Variants in TNRC6B observed in about 807,000 individuals in gnomAD.
TNRC6B encodes the protein trinucleotide repeat containing adaptor 6B.
TNRC6B carries 52 observed loss-of-function variants against 203.6 expected under a neutral mutation model. The ratio of observed to expected loss-of-function variants is 0.26; its 90% CI spans 0.20 to 0.32. The LOEUF is 0.32. TNRC6B is among the 10% of genes least tolerant of loss of function. TNRC6B has a pLI of 1.00. For missense variants in TNRC6B, 1,923 were observed against 2,286.2 expected, an observed-to-expected ratio of 0.84 and a Z score of 3.24; for synonymous variants, 838 against 845.7, an observed-to-expected ratio of 0.99 and a Z score of 0.16.
intron 1 of TNRC6B, among the ~76,000 whole-genome samples, chr22:40,061,889 C>T (rs758540623): frequency 4.9e-4 from 75 of 152,002 alleles, no homozygotes; most frequent in Non-Finnish European, 1.0e-3. Context: ...GCCTAGCCAA[C>T]ATGGTGAAAC....
chr22:40,284,469 C>T (rs902917219), intron 11 of TNRC6B, among the ~76,000 whole-genome samples: 3 of 152,102 alleles, frequency 2.0e-5, no homozygotes, highest in Non-Finnish European at 4.4e-5. Context: ...TCAGTATAAG[C>T]AGTGATGCAG....
chr22:40,124,321 C>CTTT (rs545893898), intron 2 of TNRC6B, among the ~76,000 whole-genome samples: 33 of 134,026 alleles, frequency 2.5e-4, no homozygotes, highest in African/African-American at 7.8e-4. Flanking sequence ...ATCTTTTTAC[C>CTTT]TTTTTTTTTT....
chr22:40,114,709 C>T (rs2068371550), intron 1 of TNRC6B, among the ~76,000 whole-genome samples: 1 of 152,118 alleles, frequency 6.6e-6, no homozygotes, highest in African/African-American at 2.4e-5. Flanking sequence ...CATTCCCACC[C>T]CTTCTATGAA....
At chr22:40,278,542 G>A (rs1395925123) in intron 9 of TNRC6B, among the ~76,000 whole-genome samples, 1 of 142,428 alleles carries the variant, frequency 7.0e-6, no homozygotes, top group African/African-American at 2.6e-5. Flanking sequence ...TGGCAACATA[G>A]CGAGACTCAG....
At chr22:40,281,087 G>T in intron 10 of TNRC6B, 32 bp from the exon 11 acceptor site, 1 of 1,515,938 alleles carries the variant, frequency 6.6e-7, no homozygotes. Context: ...ACCAACACTC[G>T]TTGTGATTGG....
intron 1 of TNRC6B, among the ~76,000 whole-genome samples, chr22:40,077,036 A>C (rs1418431181): frequency 6.6e-6 from 1 of 151,598 alleles, no homozygotes; most frequent in Non-Finnish European, 1.5e-5. Flanking sequence ...AAAAAAGAAA[A>C]AAGAAAAGGA....
chr22:40,308,616 G>C lies in TNRC6B; in HGVS notation c.4225G>C (p.Val1409Leu), dbSNP rs760630476. ...WTSMMEGLPS[V>L]ATQEANMHKN... ...CTCCATGATGGAGGGGCTGCCCTCT[G>C]TAGCCACACAGGAAGCCAATATGCA... is the stretch of plus-strand genomic sequence containing the variant. Residue 1409 changes from valine to leucine, a missense_variant, in exon 16 of 23, where the codon GTA (valine) becomes CTA (leucine). Val to Leu is a conservative substitution (Grantham distance 32). Coordinates refer to ENST00000454349, the MANE Select transcript of TNRC6B (RefSeq NM_001162501.2). 1.2e-6 allele frequency: 2 copies of C among 1,613,794 alleles called. No homozygotes were observed. The highest frequency in any genetic ancestry group is 1.7e-6 in the Non-Finnish European group (2 of 1,179,860).
At chr22:40,264,039 C>T (rs1490686267) in intron 4 of TNRC6B, among the ~76,000 whole-genome samples, 2 of 152,212 alleles carry the variant, frequency 1.3e-5, no homozygotes, top group Admixed American at 6.5e-5. Flanking sequence ...TGAAATGACA[C>T]TTGAATTGGG....
intron 2 of TNRC6B, among the ~76,000 whole-genome samples, chr22:40,124,693 A>T (rs2068472901): frequency 6.6e-6 from 1 of 152,050 alleles, no homozygotes; most frequent in East Asian, 1.9e-4. Context: ...CCTGTATTAT[A>T]ATGGAGATTT....
At chr22:40,149,727 T>G (rs954772658) in intron 3 of TNRC6B, among the ~76,000 whole-genome samples, 1 of 150,888 alleles carries the variant, frequency 6.6e-6, no homozygotes, top group Non-Finnish European at 1.5e-5. Flanking sequence ...ATGATGAAAC[T>G]TTTAGGGTGG....
chr22:40,176,579 G>A (rs1402685249), upstream of TNRC6B, among the ~76,000 whole-genome samples: 2 of 152,110 alleles, frequency 1.3e-5, no homozygotes, highest in African/African-American at 4.8e-5. Flanking sequence ...CAGCCCTTCT[G>A]AATAGGGTCC....
intron 1 of TNRC6B, among the ~76,000 whole-genome samples, chr22:40,200,275 A>ATTAT (rs1375838143): frequency 2.7e-5 from 2 of 73,246 alleles, no homozygotes; most frequent in Non-Finnish European, 2.6e-5. Flanking sequence ...AAAAAGTAAT[A>ATTAT]TTCTTTTTTT....
chr22:40,162,039 T>G (rs2068875516), intron 4 of TNRC6B, among the ~76,000 whole-genome samples: 1 of 152,202 alleles, frequency 6.6e-6, no homozygotes, highest in South Asian at 2.1e-4. Flanking sequence ...TTATTTATAT[T>G]TGTGATGGTC....
At chr22:40,228,608 C>T (rs1392405527) in intron 1 of TNRC6B, among the ~76,000 whole-genome samples, 1 of 150,516 alleles carries the variant, frequency 6.6e-6, no homozygotes, top group African/African-American at 2.4e-5. Flanking sequence ...CAACCTCCGC[C>T]TCCCAGGTTC....
At chr22:40,215,448 G>A (rs181548361) in intron 1 of TNRC6B, among the ~76,000 whole-genome samples, 13 of 152,312 alleles carry the variant, frequency 8.5e-5, no homozygotes, top group South Asian at 2.1e-4. Context: ...CTGCATGGCC[G>A]GAGAAGGAAG....
intron 4 of TNRC6B, among the ~76,000 whole-genome samples, chr22:40,167,911 G>T (rs1343785270): frequency 6.6e-6 from 1 of 151,926 alleles, no homozygotes; most frequent in Non-Finnish European, 1.5e-5. Flanking sequence ...GGATAATTGG[G>T]CACTTTGTTA....
In TNRC6B at chr22:40,324,280, GTTTA is replaced by G. The variant is rs780174750; in HGVS notation, c.*1043_*1046del. On this transcript the variant is annotated 3_prime_UTR_variant, in exon 23 of 23. Transcript: ENST00000454349. Reference sequence around the variant, plus strand: ...GAGGTACCTCTTGGAGCAACGGTGTGTTTATTTCTGTTTTTTTTTTTTTTTAAGT... The same window carrying G: ...GAGGTACCTCTTGGAGCAACGGTGTGTTTCTGTTTTTTTTTTTTTTTAAGT... 76 of 150,046 alleles carry G rather than the reference GTTTA, an allele frequency of 5.1e-4. No individual in the cohort carries two copies. The highest frequency in any genetic ancestry group is 6.8e-4 in the Non-Finnish European group (46 of 67,570). 9.3% of individuals were successfully genotyped at this position (150,046 alleles called of 1,614,324 possible). A position where few individuals can be genotyped will look rare whatever the true frequency, so the allele number is the denominator to read the frequency against.
rs2071171584 is a variant in TNRC6B at position 40,311,008 on chromosome 22, A to T, written c.4435+15A>T. ...TTGGCCTCCAGGTATTGTCTAGGAA[A>T]TGCTTTTCCCAGGATAGCATTTGTT... is the stretch of plus-strand genomic sequence containing the variant. On this transcript the variant is annotated intron_variant, in intron 17 of 22. Coordinates refer to ENST00000454349, the MANE Select transcript of TNRC6B (RefSeq NM_001162501.2). 2 of 1,598,420 alleles carry T rather than the reference A, an allele frequency of 1.3e-6. No homozygotes were observed. The highest frequency in any genetic ancestry group is 2.7e-5 in the African/African-American group (2 of 74,716).
rs145356604 is a variant in TNRC6B at position 40,095,084 on chromosome 22, T to C, written c.-120-21971T>C. 1.2e-4 allele frequency among the ~76,000 whole-genome samples: 19 copies of C among 152,332 alleles called. No homozygotes were observed. The East Asian group carries it at 3.7e-3, about 29-fold the overall frequency. On this transcript the variant is annotated intron_variant, in intron 1 of 23. Coordinates refer to the TNRC6B transcript ENST00000301923. Reference sequence around the variant, plus strand: ...CATGAGGCCGTACACTCCAGAAATCTTTACAATTATATTACCACAAAGAAG... The same window carrying C: ...CATGAGGCCGTACACTCCAGAAATCCTTACAATTATATTACCACAAAGAAG...
Sources: gnomAD v4.1 joint callset for allele counts (sites outside exome capture counted in the v4.1 genomes callset) on GRCh38, gnomAD v4.1.1 for gene constraint, MANE v1.5 for transcripts, NCBI Gene and HGNC (gene_info 2026-07-23, HGNC 2026-07-21) for gene names.